MCC: variants seen among roughly 807,000 people sequenced by gnomAD.
The protein encoded by MCC is MCC regulator of Wnt signaling pathway.
In MCC, 90 loss-of-function variants were observed where a neutral mutation model predicts 116.2. The observed-to-expected ratio is 0.77, with a 90% CI of 0.65 to 0.92. The LOEUF is 0.92. MCC is among the 40% of genes least tolerant of loss of function. The pLI, the probability that MCC is intolerant of heterozygous loss-of-function variation, is 0.00. For synonymous variants in MCC, 578 were observed against 510.5 expected (o/e 1.13, Z -1.78); for missense variants, 1,516 against 1,312.2 (o/e 1.16, Z -2.40).
At chr5:113,197,089 T>C (rs945153625) in intron 3 of MCC, among the ~76,000 whole-genome samples, 1 of 152,198 alleles carries the variant, frequency 6.6e-6, no homozygotes, top group Non-Finnish European at 1.5e-5. Context: ...TATTGTGGAA[T>C]TAGGACTTCA....
chr5:113,459,729 A>G (rs1235771099), intron 1 of MCC, among the ~76,000 whole-genome samples: 2 of 151,988 alleles, frequency 1.3e-5, no homozygotes, highest in Non-Finnish European at 2.9e-5. Flanking sequence ...CTCCAATGTG[A>G]TCACTGACTT....
At chr5:113,227,014 G>A (rs1161923193) in intron 3 of MCC, among the ~76,000 whole-genome samples, 1 of 152,192 alleles carries the variant, frequency 6.6e-6, no homozygotes, top group African/African-American at 2.4e-5. Context: ...CTAAGGATAA[G>A]GCAATGCAGT....
chr5:113,245,076 G>C (rs1163572926), intron 3 of MCC, among the ~76,000 whole-genome samples: 1 of 152,148 alleles, frequency 6.6e-6, no homozygotes, highest in Non-Finnish European at 1.5e-5. Flanking sequence ...CAGATCACCT[G>C]AGGTCAGGAG....
chr5:113,313,274 G>A (rs1767182914), intron 3 of MCC, among the ~76,000 whole-genome samples: 1 of 152,124 alleles, frequency 6.6e-6, no homozygotes, highest in Non-Finnish European at 1.5e-5. Context: ...TTGAACCCAG[G>A]AGGCGGAGGT....
intron 5 of MCC, among the ~76,000 whole-genome samples, chr5:113,130,425 A>G (rs1013472883): frequency 3.9e-5 from 6 of 152,182 alleles, no homozygotes; most frequent in African/African-American, 1.2e-4. Context: ...ATGTATACCT[A>G]TGTAACAAAC....
intron 1 of MCC, among the ~76,000 whole-genome samples, chr5:113,420,244 T>G (rs1770290856): frequency 7.8e-6 from 1 of 127,602 alleles, no homozygotes; most frequent in African/African-American, 3.8e-5. Context: ...AAAATTATTT[T>G]ATGCTATCCA....
chr5:113,294,659 C>A (rs905152746), intron 3 of MCC: 1 of 1,077,200 alleles, frequency 9.3e-7, no homozygotes, highest in Non-Finnish European at 1.1e-6. Flanking sequence ...CGCGCGGGGA[C>A]CCTCCCGCGC....
chr5:113,073,758 C>T (rs530716664), intron 11 of MCC, among the ~76,000 whole-genome samples: 79 of 152,212 alleles, frequency 5.2e-4, no homozygotes, highest in South Asian at 2.7e-3. Context: ...TGGGGTCCCA[C>T]GCCCACGGAG....
chr5:113,469,811 G>C (rs1205897616), intron 1 of MCC, among the ~76,000 whole-genome samples: 1 of 152,170 alleles, frequency 6.6e-6, no homozygotes. Context: ...TATTGTGTGG[G>C]AGTCTAAGCC....
intron 3 of MCC, among the ~76,000 whole-genome samples, chr5:113,265,719 C>G (rs1765394587): frequency 6.6e-6 from 1 of 152,096 alleles, no homozygotes; most frequent in East Asian, 1.9e-4. Context: ...GCACCCAACT[C>G]CATCATGCTT....
intron 3 of MCC, among the ~76,000 whole-genome samples, chr5:113,167,584 T>G (rs1189649573): frequency 1.3e-5 from 2 of 152,310 alleles, no homozygotes; most frequent in East Asian, 3.9e-4. Context: ...AATTTTTTTC[T>G]GGGGCAGAGA....
Position 113,104,224 on chromosome 5 carries a change from T to C in MCC, c.1159A>G (p.Thr387Ala). The part of the protein sequence containing the change: ...EVDKHIEQLT[T>A]ASEHCDLAIK... ...GCCAGGTCACAGTGCTCGCTGGCTG[T>C]GGTGAGCTGCTCAATGTGCTTGTCC... The change falls in exon 7 of 19, where the codon ACA (threonine) becomes GCA (alanine). Residue 387 changes from threonine to alanine, a missense_variant. Thr to Ala is a moderately conservative substitution (Grantham distance 58, BLOSUM62 0). Coordinates refer to ENST00000408903, the MANE Select transcript of MCC (RefSeq NM_001085377.2). The C allele has an allele frequency of 6.2e-7, 1 of 1,613,914 alleles. No homozygotes were observed. Among genetic ancestry groups the C allele is most frequent in the Non-Finnish European group, 8.5e-7 (1 of 1,179,946 alleles).
At chr5:113,485,115 G>A (rs1041777695) in intron 1 of MCC, among the ~76,000 whole-genome samples, 1 of 151,966 alleles carries the variant, frequency 6.6e-6, no homozygotes, top group African/African-American at 2.4e-5. Flanking sequence ...TGCCTTTTTT[G>A]TCAGCCTGAT....
At chr5:113,196,216 C>G (rs750464895) in intron 3 of MCC, among the ~76,000 whole-genome samples, 1 of 152,204 alleles carries the variant, frequency 6.6e-6, no homozygotes. Flanking sequence ...GTGCCAACAC[C>G]TAGTGCTGGG....
chr5:113,056,798 C>T (rs4705760), intron 14 of MCC, among the ~76,000 whole-genome samples: 148,957 of 152,318 alleles, frequency 0.98, 72,844 homozygotes, highest in East Asian at 1. Context: ...ATGCAGAAGT[C>T]ATCATTCATT....
intron 2 of MCC, among the ~76,000 whole-genome samples, chr5:113,362,874 G>A (rs1486678862): frequency 6.6e-6 from 1 of 152,092 alleles, no homozygotes; most frequent in Non-Finnish European, 1.5e-5. Context: ...CAGGGTGGAG[G>A]GAGGGAGCTT....
At chr5:113,381,201 G>A (rs74458251) in intron 2 of MCC, among the ~76,000 whole-genome samples, 5,785 of 152,212 alleles carry the variant, frequency 0.038, 370 homozygotes, top group African/African-American at 0.13. Flanking sequence ...ACTTTTGCAC[G>A]CGAGACAGTG....
intron 3 of MCC, among the ~76,000 whole-genome samples, chr5:113,161,591 T>C (rs11748060): frequency 0.23 from 34,172 of 151,770 alleles, 3,925 homozygotes; most frequent in Middle Eastern, 0.27. Context: ...ATACTTTTTG[T>C]TTGGGAAAGC....
intron 12 of MCC, among the ~76,000 whole-genome samples, chr5:113,070,345 G>A (rs556424148): frequency 6.6e-6 from 1 of 152,190 alleles, no homozygotes; most frequent in Non-Finnish European, 1.5e-5. Flanking sequence ...TAGTTTTGCA[G>A]CTTTAAACAA....
Sources: allele counts gnomAD v4.1 joint callset (sites outside exome capture counted in the v4.1 genomes callset), GRCh38; gene constraint gnomAD v4.1.1; transcripts MANE v1.5; gene names NCBI Gene and HGNC (gene_info 2026-07-23, HGNC 2026-07-21).